Variants in KNL1 observed in about 807,000 individuals in gnomAD.
KNL1 encodes the protein kinetochore scaffold 1.
A neutral mutation model predicts 201.3 loss-of-function variants in KNL1; 66 were observed. The observed-to-expected ratio is 0.33, with a 90% CI of 0.27 to 0.40. The LOEUF (loss-of-function observed/expected upper bound fraction) is 0.40, where lower values mean the gene tolerates loss of function less well. Among genes scored for constraint, KNL1 ranks in the 10% least tolerant of loss-of-function variants. The probability of loss-of-function intolerance (pLI) is 1.00; values close to 1 mark genes in which losing one functional copy is unlikely to be tolerated. For synonymous variants in KNL1, 895 were observed against 899.2 expected (o/e 1.00, Z 0.08); for missense variants, 2,815 against 2,690.5 (o/e 1.05, Z -1.02).
intron 13 of KNL1, among the ~76,000 whole-genome samples, chr15:40,633,323 A>AT (rs1276232555): frequency 6.6e-6 from 1 of 151,714 alleles, no homozygotes; most frequent in Non-Finnish European, 1.5e-5. Context: ...AAAAAAAAAA[A>AT]AAAAAAATTG....
At chr15:40,659,943 ACT>A (rs1198685193) in intron 25 of KNL1, among the ~76,000 whole-genome samples, 5 of 107,778 alleles carry the variant, frequency 4.6e-5, no homozygotes, top group Admixed American at 9.2e-5. Context: ...ATGGAGTCTC[ACT>A]CTGTCACCAG....
At chr15:40,629,128 T>C in intron 12 of KNL1, 145 bp from the exon 13 acceptor site, 1 of 491,184 alleles carries the variant, frequency 2.0e-6, no homozygotes, top group Non-Finnish European at 3.6e-6. Flanking sequence ...TTAGATAAAA[T>C]CTGCTCATGT....
At chr15:40,649,566 A>G (rs1450850212) in intron 17 of KNL1, among the ~76,000 whole-genome samples, 1 of 151,430 alleles carries the variant, frequency 6.6e-6, no homozygotes, top group Non-Finnish European at 1.5e-5. Context: ...AAGTGCTAGG[A>G]TTACAGGCAT....
chr15:40,660,024 C>T (rs1374946922), intron 25 of KNL1, among the ~76,000 whole-genome samples: 1 of 151,796 alleles, frequency 6.6e-6, no homozygotes, highest in East Asian at 1.9e-4. Context: ...GATTCTCCAG[C>T]GTCAGCCTCC....
chr15:40,625,563 G>C lies in KNL1; in HGVS notation c.5299G>C (p.Glu1767Gln), dbSNP rs1170663121. 2 of 1,601,440 alleles carry C rather than the reference G, an allele frequency of 1.2e-6. No homozygotes were observed. Among genetic ancestry groups the C allele is most frequent in the Admixed American group, 3.5e-5 (2 of 57,214 alleles). Residue 1767 changes from glutamate (E) to glutamine (Q), a missense_variant, in exon 10 of 26, where the codon GAA becomes CAA. Glu to Gln is a conservative substitution (Grantham distance 29). Transcript: ENST00000399668. ...TAGCCAAAAAAGAACGTGGGTACAA[G>C]AAGAAGAAGATATTCATAAGGAGAA... ...CNSQKRTWVQEEEDIHKEKKI... is the reference protein window; with the variant it reads ...CNSQKRTWVQQEEDIHKEKKI...
In KNL1 at chr15:40,594,703, C is replaced by T. The variant is rs548853003; in HGVS notation, c.-18+311C>T. Among the ~76,000 whole-genome samples, 10 of 152,306 alleles carry T rather than the reference C, an allele frequency of 6.6e-5. No homozygotes were observed. The South Asian group carries it at 1.7e-3, about 25-fold the overall frequency. On this transcript the variant is annotated intron_variant, in intron 1 of 25. Transcript: ENST00000399668. ...GTCCTCTTCCGCCCCGCCCTGCCGT[C>T]CTCTGTCAGGGCTCGCGGACTCTTC...
Position 40,638,305 on chromosome 15 carries a change from G to T in KNL1, c.5683-2607G>T, listed in dbSNP as rs527956039. On this transcript the variant is annotated intron_variant, in intron 13 of 25. Transcript: ENST00000399668. ...GGGAAGGATAGGATAACATAAGCTG[G>T]GTTCTAGTGTTGTCATTATTTAGAG... Among the ~76,000 whole-genome samples the T allele has an allele frequency of 7.2e-5, 11 of 151,788 alleles. No individual in the cohort carries two copies. The South Asian group carries it at 2.3e-3, about 32-fold the overall frequency.
Position 40,623,474 on chromosome 15 carries a change from A to G in KNL1, c.3210A>G (p.Leu1070=), listed in dbSNP as rs1475189418. The G allele has an allele frequency of 8.1e-6, 13 of 1,611,608 alleles. No homozygotes were observed. The highest frequency in any genetic ancestry group is 1.1e-5 in the Non-Finnish European group (13 of 1,179,260). ...GTCAGAGAAGAAAAAGCCTTAAGCTAAAAAATGACAAGACCATTGTATTTT... is the reference window on the plus strand; with the variant it reads ...GTCAGAGAAGAAAAAGCCTTAAGCTGAAAAATGACAAGACCATTGTATTTT... ...SKSQRRKSLK[L]KNDKTIVFSE... Residue 1070 remains leucine (L), a synonymous_variant, in exon 10 of 26, where the codon CTA becomes CTG. Transcript: ENST00000399668.
rs1240921260 is a variant in KNL1, at chr15:40,608,433, GAA to G, written c.136-393_136-392del. 5.3e-3 allele frequency among the ~76,000 whole-genome samples: 427 copies of G among 80,958 alleles called. 4 individuals are homozygous for G. Among genetic ancestry groups the G allele is most frequent in the African/African-American group, 0.017 (388 of 22,476 alleles). 53.1% of individuals were successfully genotyped at this position (80,958 alleles called of 152,430 possible). On this transcript the variant is annotated intron_variant, in intron 4 of 25. Coordinates refer to ENST00000399668, the MANE Select transcript of KNL1 (RefSeq NM_144508.5). ...TGGGCGACAGAACAAAACCGTCTTG[GAA>G]AAAAAAAAAAAAAAAAAAAAGACTT...
At chr15:40,659,287 G>A in intron 24 of KNL1, 52 bp from the exon 25 acceptor site, 3 of 1,448,122 alleles carry the variant, frequency 2.1e-6, no homozygotes, top group Non-Finnish European at 2.8e-6. Context: ...AAGAAATTGT[G>A]TTTCATGCTA....
chr15:40,644,352 C>A (rs1307107821), intron 14 of KNL1, among the ~76,000 whole-genome samples: 2 of 152,208 alleles, frequency 1.3e-5, no homozygotes, highest in East Asian at 3.8e-4. Flanking sequence ...ACATGTCTCG[C>A]CTCCCACCAT....
At chr15:40,644,042 T>C (rs1206360490) in intron 14 of KNL1, among the ~76,000 whole-genome samples, 1 of 152,038 alleles carries the variant, frequency 6.6e-6, no homozygotes, top group African/African-American at 2.4e-5. Context: ...AGAGACAAAG[T>C]ATAGAGAAAC....
chr15:40,615,406 T>G, intron 8 of KNL1, 28 bp downstream of exon 8: 1 of 620,298 alleles, frequency 1.6e-6, no homozygotes, highest in Non-Finnish European at 2.7e-6. Flanking sequence ...ACTTTTCTTA[T>G]AGTAAGATAG....
At chr15:40,652,524 CTT>C (rs1209815110) in intron 21 of KNL1, among the ~76,000 whole-genome samples, 1 of 147,156 alleles carries the variant, frequency 6.8e-6, no homozygotes, top group Admixed American at 6.9e-5. Context: ...ACTCCCAACA[CTT>C]TGGGAGGCTG....
At position 40,606,371 on chromosome 15, in the gene KNL1, ATAATTC is replaced by A; in HGVS notation, c.76-16_76-11del. ...AATAGATATGCCAGATTTTTTTTGA[ATAATTC>A]TAATTGTTACCCTAGATATTGAAAC... On this transcript the variant is annotated splice_polypyrimidine_tract_variant and intron_variant, in intron 3 of 25. Transcript: ENST00000399668. 6.8e-7 allele frequency: 1 copy of A among 1,468,508 alleles called. No homozygotes were observed. The highest frequency in any genetic ancestry group is 9.5e-7 in the Non-Finnish European group (1 of 1,052,032). The allele number at this position is 1,468,508 out of a possible 1,614,324, so 91.0% of individuals were successfully genotyped here.
At position 40,625,468 on chromosome 15, in the gene KNL1, A is replaced by G. The variant is rs1398636023; in HGVS notation, c.5204A>G (p.Glu1735Gly). ...SSDSINIETEEKALIETYQKE... is the reference protein window; with the variant it reads ...SSDSINIETEGKALIETYQKE... The stretch of plus-strand genomic sequence containing the variant: ...GACTCTATTAACATAGAAACTGAGG[A>G]AAAGGCCTTGATTGAGACATACCAA... The change falls in exon 10 of 26, where the codon GAA (glutamate) becomes GGA (glycine). Residue 1735 changes from glutamate (E) to glycine (G), a missense_variant. This residue lies in a region of KNL1 where 2,464 missense variants were observed against 2,291.7 expected (regional missense o/e 1.08). Coordinates refer to ENST00000399668, the MANE Select transcript of KNL1 (RefSeq NM_144508.5). 1 of 1,613,888 alleles carries G rather than the reference A, an allele frequency of 6.2e-7. No individual in the cohort carries two copies. Among genetic ancestry groups the G allele is most frequent in the South Asian group, 1.1e-5 (1 of 91,042 alleles).
chr15:40,613,568 G>C (rs1365474883), intron 7 of KNL1, among the ~76,000 whole-genome samples: 1 of 151,970 alleles, frequency 6.6e-6, no homozygotes, highest in African/African-American at 2.4e-5. Context: ...AGGTACAGAA[G>C]TATATACATT....
rs1025267096 is a variant in KNL1, at chr15:40,624,336, C to T, written c.4072C>T (p.Leu1358Phe). 4.3e-6 allele frequency: 7 copies of T among 1,613,810 alleles called. No individual in the cohort carries two copies. The highest frequency in any genetic ancestry group is 2.2e-5 in the East Asian group (1 of 44,888). The part of the protein sequence containing the change: ...EYYLESEGQP[L>F]SAPCPLLEKE... ...TTACTTGGAATCTGAGGGACAGCCT[C>T]TCTCTGCTCCTTGTCCTTTGTTAGA... is the stretch of plus-strand genomic sequence containing the variant. Residue 1358 changes from leucine to phenylalanine, a missense_variant, in exon 10 of 26, where the codon CTC (leucine) becomes TTC (phenylalanine). Physicochemically the swap from Leu to Phe is conservative, Grantham distance 22. Around this residue, in one of 3 missense-constraint regions of KNL1, gnomAD observed 2,464 missense variants for 2,291.7 expected, o/e 1.08. Transcript: ENST00000399668.
intron 7 of KNL1, among the ~76,000 whole-genome samples, chr15:40,613,942 C>G (rs1051726596): frequency 1.3e-5 from 2 of 150,178 alleles, no homozygotes; most frequent in African/African-American, 4.9e-5. Flanking sequence ...GGACTACAGG[C>G]GCCTGCCACC....
Sources: gnomAD v4.1 joint callset for allele counts (sites outside exome capture counted in the v4.1 genomes callset) on GRCh38, gnomAD v4.1.1 for gene constraint, gnomAD v4.1.1 regional missense constraint, MANE v1.5 for transcripts, NCBI Gene and HGNC (gene_info 2026-07-23, HGNC 2026-07-21) for gene names.